Variants in TMEM132C observed in about 807,000 individuals in gnomAD.
TMEM132C encodes the protein transmembrane protein 132C.
Under a neutral mutation model 61.4 loss-of-function variants are expected in TMEM132C, and 29 were observed. The observed-to-expected ratio is 0.47, with a 90% CI of 0.35 to 0.64. TMEM132C has a LOEUF of 0.64. TMEM132C is among the 30% of genes least tolerant of loss of function. The pLI is 0.00. For synonymous variants in TMEM132C, 656 were observed against 633.1 expected, an observed-to-expected ratio of 1.04 and a Z score of -0.54; for missense variants, 1,408 against 1,476.9, an observed-to-expected ratio of 0.95 and a Z score of 0.76.
rs540406974 is a variant in TMEM132C at position 128,493,478 on chromosome 12, A to G, written c.975-50479A>G. Reference sequence around the variant, plus strand: ...TTCACAGTATTGATTCTTCCTATCCATGAGCATGGAATGTTCTTCCATTTG... The same window carrying G: ...TTCACAGTATTGATTCTTCCTATCCGTGAGCATGGAATGTTCTTCCATTTG... On this transcript the variant is annotated intron_variant, in intron 2 of 8. Transcript: ENST00000435159. Among the ~76,000 whole-genome samples the G allele has an allele frequency of 1.2e-3, 189 of 152,290 alleles. 1 individual carries two copies. Among genetic ancestry groups the G allele is most frequent in the Middle Eastern group, 6.8e-3 (2 of 294 alleles).
intron 2 of TMEM132C, among the ~76,000 whole-genome samples, chr12:128,531,565 A>G (rs1176493259): frequency 6.6e-6 from 1 of 152,230 alleles, no homozygotes; most frequent in Non-Finnish European, 1.5e-5. Context: ...ACATAACCAC[A>G]GGTGAAGGCA....
chr12:128,300,513 T>A (rs934650821), intron 1 of TMEM132C, among the ~76,000 whole-genome samples: 1 of 152,188 alleles, frequency 6.6e-6, no homozygotes, highest in Non-Finnish European at 1.5e-5. Flanking sequence ...GTGGGCACTC[T>A]TGAGTGTGTT....
At chr12:128,684,673 G>A (rs1001672189) in intron 5 of TMEM132C, among the ~76,000 whole-genome samples, 7 of 152,238 alleles carry the variant, frequency 4.6e-5, no homozygotes, top group Non-Finnish European at 1.0e-4. Context: ...TTTCTGCCTG[G>A]CCATTTGAAT....
chr12:128,298,190 T>G (rs1001621995), intron 1 of TMEM132C, among the ~76,000 whole-genome samples: 1 of 152,226 alleles, frequency 6.6e-6, no homozygotes, highest in African/African-American at 2.4e-5. Flanking sequence ...ATTCCCTTGC[T>G]TAAGACCCCA....
At chr12:128,329,652 G>A (rs1424091507) in intron 1 of TMEM132C, among the ~76,000 whole-genome samples, 2 of 152,088 alleles carry the variant, frequency 1.3e-5, no homozygotes, top group Non-Finnish European at 2.9e-5. Context: ...GTATGCGGAG[G>A]TCTGGCCGTG....
In TMEM132C at chr12:128,298,319, T is replaced by C. The variant is rs564238682; in HGVS notation, c.85+30832T>C. ...CCCGGGCCATGTGCATTGTGTTTTG[T>C]TGAATGTGTTCCTTCCGAAAGGGCA... On this transcript the variant is annotated intron_variant, in intron 1 of 8. Coordinates refer to ENST00000435159, the MANE Select transcript of TMEM132C (RefSeq NM_001136103.3). Among the ~76,000 whole-genome samples, 14 of 152,356 alleles carry C rather than the reference T, an allele frequency of 9.2e-5. No homozygotes were observed. In the South Asian group the frequency reaches 2.9e-3, roughly 32 times the overall value.
At chr12:128,541,876 A>G (rs1331433301) in intron 2 of TMEM132C, among the ~76,000 whole-genome samples, 2 of 151,714 alleles carry the variant, frequency 1.3e-5, no homozygotes, top group Non-Finnish European at 2.9e-5. Context: ...GTCTAGGGGG[A>G]CCCGCCTGCG....
chr12:128,496,704 C>G (rs1308801230), intron 2 of TMEM132C, among the ~76,000 whole-genome samples: 1 of 152,208 alleles, frequency 6.6e-6, no homozygotes, highest in Admixed American at 6.5e-5. Flanking sequence ...AAGGACTTCA[C>G]TACACTGGTT....
At chr12:128,569,177 G>A (rs777208105) in intron 3 of TMEM132C, among the ~76,000 whole-genome samples, 4 of 152,204 alleles carry the variant, frequency 2.6e-5, no homozygotes. Flanking sequence ...GTGAGCACAG[G>A]CAGAGGGCAC....
intron 1 of TMEM132C, among the ~76,000 whole-genome samples, chr12:128,353,405 G>A (rs1421996727): frequency 6.6e-6 from 1 of 152,186 alleles, no homozygotes; most frequent in Non-Finnish European, 1.5e-5. Context: ...TGCGATCTGA[G>A]ACCCCGGGAG....
intron 4 of TMEM132C, among the ~76,000 whole-genome samples, chr12:128,635,686 C>G (rs993980025): frequency 2.6e-5 from 4 of 152,124 alleles, no homozygotes; most frequent in African/African-American, 4.8e-5. Flanking sequence ...AAGTTGTAAC[C>G]TCTCAGGGTT....
intron 3 of TMEM132C, among the ~76,000 whole-genome samples, chr12:128,601,567 A>T (rs376657145): frequency 5.3e-5 from 8 of 152,102 alleles, no homozygotes; most frequent in African/African-American, 1.7e-4. Context: ...ACCAGGGTGG[A>T]TGTCATGAAT....
intron 1 of TMEM132C, among the ~76,000 whole-genome samples, chr12:128,295,704 G>C (rs574855484): frequency 4.7e-4 from 71 of 149,790 alleles, no homozygotes; most frequent in African/African-American, 1.5e-3. Flanking sequence ...AAAAATAAGA[G>C]CCCCACATAA....
intron 3 of TMEM132C, among the ~76,000 whole-genome samples, chr12:128,605,523 G>A (rs1401439314): frequency 1.3e-5 from 2 of 152,156 alleles, no homozygotes; most frequent in Non-Finnish European, 2.9e-5. Flanking sequence ...AAATGTCTGG[G>A]CATCCCATGG....
At chr12:128,449,070 G>A (rs1870090222) in intron 2 of TMEM132C, among the ~76,000 whole-genome samples, 1 of 143,188 alleles carries the variant, frequency 7.0e-6, no homozygotes, top group South Asian at 2.2e-4. Context: ...CCGGGAGGCA[G>A]AGCTTGCAGT....
chr12:128,455,589 G>T (rs1870312720), intron 2 of TMEM132C, among the ~76,000 whole-genome samples: 1 of 152,156 alleles, frequency 6.6e-6, no homozygotes, highest in African/African-American at 2.4e-5. Flanking sequence ...TCCCATTGCT[G>T]GGGAAAGCAG....
chr12:128,287,789 G>C (rs537743741), intron 1 of TMEM132C, among the ~76,000 whole-genome samples: 1 of 152,212 alleles, frequency 6.6e-6, no homozygotes, highest in African/African-American at 2.4e-5. Flanking sequence ...GTGCTTCCTT[G>C]TAATGTCTCT....
intron 4 of TMEM132C, among the ~76,000 whole-genome samples, chr12:128,618,111 A>G (rs1449142143): frequency 6.6e-6 from 1 of 152,238 alleles, no homozygotes; most frequent in African/African-American, 2.4e-5. Context: ...GAAAATTTGC[A>G]GACCTGTGTC....
Position 128,343,000 on chromosome 12 carries a change from A to G in TMEM132C, c.86-71732A>G, listed in dbSNP as rs531805250. ...GTGCAAAGTAAGCAGGATCCCCAAG[A>G]TGTCCCCAGGGAGATGTAGCAAACT... On this transcript the variant is annotated intron_variant, in intron 1 of 8. Coordinates refer to ENST00000435159, the MANE Select transcript of TMEM132C (RefSeq NM_001136103.3). Among the ~76,000 whole-genome samples the G allele has an allele frequency of 2.0e-5, 3 of 152,314 alleles. No individual in the cohort carries two copies. The South Asian group carries it at 6.2e-4, about 32-fold the overall frequency.
Sources: gnomAD v4.1 joint callset for allele counts (sites outside exome capture counted in the v4.1 genomes callset) on GRCh38, gnomAD v4.1.1 for gene constraint, MANE v1.5 for transcripts, NCBI Gene and HGNC (gene_info 2026-07-23, HGNC 2026-07-21) for gene names.